The following CTNNA3 variants were observed in gnomAD, a reference collection of about 807,000 sequenced individuals.
CTNNA3 encodes catenin alpha 3.
In CTNNA3, 76 loss-of-function variants were observed where a neutral mutation model predicts 95.7. That is an observed-to-expected ratio of 0.79 (90% CI 0.66 to 0.96). The LOEUF (loss-of-function observed/expected upper bound fraction) is 0.96. CTNNA3 is among the 40% of genes least tolerant of loss of function. The pLI, the probability that CTNNA3 is intolerant of heterozygous loss-of-function variation, is 0.00. For missense variants in CTNNA3, 1,191 were observed against 1,089.8 expected (o/e 1.09, Z -1.31); for synonymous variants, 431 against 374.4 (o/e 1.15, Z -1.74).
rs12246920 is a variant in CTNNA3 at position 67,461,699 on chromosome 10, C to G, written c.579+60143G>C. On this transcript the variant is annotated intron_variant, in intron 5 of 17. Transcript: ENST00000433211. The stretch of plus-strand genomic sequence containing the variant: ...TAAAATCTCTATTCCTCTTTGAGCT[C>G]TATTTAATGCAAGTCTTTCCTAGTC... Among the ~76,000 whole-genome samples, 1,105 of 152,288 alleles carry G rather than the reference C, an allele frequency of 7.3e-3. 12 individuals are homozygous for G. The highest frequency in any genetic ancestry group is 0.025 in the African/African-American group (1,054 of 41,560).
chr10:66,670,638 T>C (rs888893546), intron 9 of CTNNA3, among the ~76,000 whole-genome samples: 2 of 152,208 alleles, frequency 1.3e-5, no homozygotes, highest in African/African-American at 4.8e-5. Flanking sequence ...TGTGATTACA[T>C]TGATCTCACC....
At chr10:66,371,279 T>A (rs56017267) in intron 12 of CTNNA3, among the ~76,000 whole-genome samples, 1 of 152,138 alleles carries the variant, frequency 6.6e-6, no homozygotes, top group Non-Finnish European at 1.5e-5. Flanking sequence ...AAAACCTGCA[T>A]AGACTCCTTT....
intron 7 of CTNNA3, among the ~76,000 whole-genome samples, chr10:67,080,225 C>T (rs1371111053): frequency 1.3e-5 from 2 of 152,140 alleles, no homozygotes; most frequent in African/African-American, 4.8e-5. Flanking sequence ...GAGCCATTTT[C>T]TGCTGGATTG....
intron 15 of CTNNA3, among the ~76,000 whole-genome samples, chr10:66,015,937 T>A (rs1993850): frequency 6.6e-6 from 1 of 152,042 alleles, no homozygotes; most frequent in African/African-American, 2.4e-5. Context: ...TAAATATATA[T>A]GTTAAATATT....
At chr10:66,424,563 A>C (rs949758545) in intron 11 of CTNNA3, among the ~76,000 whole-genome samples, 1 of 152,070 alleles carries the variant, frequency 6.6e-6, no homozygotes, top group African/African-American at 2.4e-5. Flanking sequence ...TTAGATATTT[A>C]TAAATAAATT....
At chr10:67,550,781 G>GT (rs1221139808) in intron 3 of CTNNA3, among the ~76,000 whole-genome samples, 1 of 150,634 alleles carries the variant, frequency 6.6e-6, no homozygotes, top group East Asian at 1.9e-4. Context: ...TAAACATGGA[G>GT]TTTTTAAAAG....
At chr10:66,967,415 C>CAT (rs940185610) in intron 7 of CTNNA3, among the ~76,000 whole-genome samples, 7 of 151,080 alleles carry the variant, frequency 4.6e-5, no homozygotes, top group East Asian at 3.9e-4. Context: ...TACACACATG[C>CAT]ATATATATAT....
intron 11 of CTNNA3, among the ~76,000 whole-genome samples, chr10:66,442,628 C>T (rs2093383359): frequency 1.3e-5 from 2 of 152,194 alleles, no homozygotes; most frequent in African/African-American, 4.8e-5. Flanking sequence ...TATTCCCCTA[C>T]TTCCTCAACA....
intron 7 of CTNNA3, among the ~76,000 whole-genome samples, chr10:66,862,644 T>A (rs1315279280): frequency 1.3e-5 from 2 of 152,042 alleles, no homozygotes; most frequent in African/African-American, 4.8e-5. Flanking sequence ...AAAGACAGAA[T>A]TACTGGAGCA....
rs118104093 is a variant in CTNNA3, at chr10:67,057,635, C to T, written c.1047+122682G>A. On this transcript the variant is annotated intron_variant, in intron 7 of 17. Transcript: ENST00000433211. ...GACTGAGAATACTGACCCAGCAACACGAGGTTGGTTTACTTCAAGAAGCAC... is the reference window on the plus strand; with the variant it reads ...GACTGAGAATACTGACCCAGCAACATGAGGTTGGTTTACTTCAAGAAGCAC... 2.4e-4 allele frequency among the ~76,000 whole-genome samples: 37 copies of T among 152,210 alleles called. No homozygotes were observed. The East Asian group carries it at 7.0e-3, about 29-fold the overall frequency.
chr10:66,568,802 A>C (rs375739019), intron 10 of CTNNA3, among the ~76,000 whole-genome samples: 12 of 151,910 alleles, frequency 7.9e-5, no homozygotes, highest in Non-Finnish European at 1.3e-4. Context: ...AATAGTAAAC[A>C]AAGAGAAACT....
chr10:66,627,529 C>G (rs1844979903), intron 9 of CTNNA3, among the ~76,000 whole-genome samples: 1 of 152,110 alleles, frequency 6.6e-6, no homozygotes, highest in Non-Finnish European at 1.5e-5. Flanking sequence ...ACCAGAGAAC[C>G]ACGATTCTTA....
At chr10:66,114,034 G>A (rs773288211) in intron 13 of CTNNA3, among the ~76,000 whole-genome samples, 3 of 152,134 alleles carry the variant, frequency 2.0e-5, no homozygotes, top group Non-Finnish European at 4.4e-5. Flanking sequence ...CAGATGGCTA[G>A]AAACACACCC....
chr10:66,692,460 T>C (rs1847585406), intron 9 of CTNNA3, among the ~76,000 whole-genome samples: 3 of 152,074 alleles, frequency 2.0e-5, no homozygotes, highest in Admixed American at 2.0e-4. Context: ...TATGGGACTA[T>C]GTGAAAAGAC....
intron 7 of CTNNA3, among the ~76,000 whole-genome samples, chr10:67,074,445 G>A (rs963924625): frequency 7.0e-6 from 1 of 142,292 alleles, no homozygotes; most frequent in African/African-American, 2.7e-5. Flanking sequence ...CCACCTCCCG[G>A]GTTCACGCCA....
intron 5 of CTNNA3, among the ~76,000 whole-genome samples, chr10:67,396,543 C>T (rs1156753553): frequency 3.3e-5 from 5 of 152,068 alleles, no homozygotes; most frequent in Non-Finnish European, 7.3e-5. Flanking sequence ...TTTCAACTTC[C>T]CCAAAATTTA....
chr10:67,102,683 C>A (rs1475789832), intron 7 of CTNNA3, among the ~76,000 whole-genome samples: 1 of 151,612 alleles, frequency 6.6e-6, no homozygotes, highest in African/African-American at 2.4e-5. Context: ...ATCAAGAGAC[C>A]TTGTGATAAA....
chr10:66,092,807 T>A (rs2081261986), intron 14 of CTNNA3, among the ~76,000 whole-genome samples: 1 of 151,968 alleles, frequency 6.6e-6, no homozygotes, highest in Admixed American at 6.6e-5. Context: ...AAGTTCTAAT[T>A]GTTGCAAAAA....
intron 5 of CTNNA3, among the ~76,000 whole-genome samples, chr10:67,374,388 T>C (rs1280816866): frequency 6.6e-6 from 1 of 150,428 alleles, no homozygotes; most frequent in African/African-American, 2.4e-5. Context: ...CCTTGAAAGG[T>C]ATGTAAGATT....
Sources: allele counts gnomAD v4.1 joint callset (sites outside exome capture counted in the v4.1 genomes callset), GRCh38; gene constraint gnomAD v4.1.1; transcripts MANE v1.5; gene names NCBI Gene and HGNC (gene_info 2026-07-23, HGNC 2026-07-21).